ADAM17: variants seen among roughly 807,000 people sequenced by gnomAD.
ADAM17 encodes the protein disintegrin and metalloproteinase domain-containing protein 17.
Under a neutral mutation model 96.7 loss-of-function variants are expected in ADAM17, and 39 were observed. The ratio of observed to expected loss-of-function variants is 0.40; its 90% CI spans 0.31 to 0.53. ADAM17 has a LOEUF of 0.53. Ranked by LOEUF, ADAM17 falls within the 20% of genes least tolerant of loss-of-function variation. The probability of loss-of-function intolerance (pLI) is 0.44; values close to 1 mark genes in which losing one functional copy is unlikely to be tolerated. For synonymous variants in ADAM17, 344 were observed against 359.2 expected (o/e 0.96, Z 0.48); for missense variants, 777 against 1,013.2 (o/e 0.77, Z 3.17).
Position 9,536,708 on chromosome 2 carries a change from T to G in ADAM17, c.351A>C (p.Gly117=), listed in dbSNP as rs773103941. 1 of 1,614,020 alleles carries G rather than the reference T, an allele frequency of 6.2e-7. No individual in the cohort carries two copies. The highest frequency in any genetic ancestry group is 1.1e-5 in the South Asian group (1 of 91,074). The change falls in exon 3 of 19, where the codon GGA becomes GGC. Residue 117 remains glycine (G), a synonymous_variant. Transcript: ENST00000310823. ...AAGCTCCATACTAACCAACCACGTG[T>G]CCAGTGAAGAAGTCCTGCCATTTTA... ...YTVKWQDFFT[G]HVVGEPDSRV...
At chr2:9,508,389 C>T (rs891200279) in intron 11 of ADAM17, among the ~76,000 whole-genome samples, 2 of 152,186 alleles carry the variant, frequency 1.3e-5, no homozygotes, top group Admixed American at 6.5e-5. Flanking sequence ...TCTGCTCCCA[C>T]ACTGCTGTTT....
intron 10 of ADAM17, 63 bp from the exon 11 acceptor site, chr2:9,510,194 T>C (rs1205500170): frequency 1.6e-5 from 25 of 1,574,922 alleles, no homozygotes; most frequent in Admixed American, 1.0e-4. Context: ...CTTCTGCCAG[T>C]TGGGCCTATG....
Position 9,489,590 on chromosome 2 carries a change from TATTAACCCAA to T in ADAM17, c.*577_*586del, listed in dbSNP as rs1661918694. The T allele has an allele frequency of 2.0e-5, 3 of 152,432 alleles. No individual in the cohort carries two copies. The highest frequency in any genetic ancestry group is 7.3e-5 in the African/African-American group (3 of 41,350). The allele number at this position is 152,432 out of a possible 1,614,324, so 9.4% of individuals were successfully genotyped here. ...TTAGTCTTAGAATTATGAAGAGCCA[TATTAACCCAA>T]ATGATTTCTAAATTTAGATATATAT... On this transcript the variant is annotated 3_prime_UTR_variant, in exon 19 of 19. Coordinates refer to ENST00000310823, the MANE Select transcript of ADAM17 (RefSeq NM_003183.6).
At chr2:9,492,124 ACTC>A (rs1405152627) in intron 17 of ADAM17, among the ~76,000 whole-genome samples, 2 of 151,906 alleles carry the variant, frequency 1.3e-5, no homozygotes, top group Non-Finnish European at 2.9e-5. Context: ...AGTAGGAAAA[ACTC>A]CTTTGTCATC....
chr2:9,524,714 G>A (rs1664448822), intron 6 of ADAM17, among the ~76,000 whole-genome samples: 2 of 152,180 alleles, frequency 1.3e-5, no homozygotes, highest in African/African-American at 4.8e-5. Flanking sequence ...CAGCACTGAG[G>A]AATGGGTAAG....
intron 6 of ADAM17, 145 bp downstream of exon 6, chr2:9,525,966 G>A: frequency 1.2e-6 from 1 of 829,150 alleles, no homozygotes; most frequent in Non-Finnish European, 1.8e-6. Flanking sequence ...TTTCCATACA[G>A]TAACATAAAA....
chr2:9,547,726 T>C (rs1445803796), intron 1 of ADAM17, among the ~76,000 whole-genome samples: 1 of 151,996 alleles, frequency 6.6e-6, no homozygotes, highest in African/African-American at 2.4e-5. Flanking sequence ...GATTCTGGGC[T>C]TTGGATAATG....
chr2:9,525,786 G>A (rs1664500687), intron 6 of ADAM17, among the ~76,000 whole-genome samples: 1 of 152,108 alleles, frequency 6.6e-6, no homozygotes, highest in Admixed American at 6.5e-5. Flanking sequence ...ATTCACATGT[G>A]ACACCACAGG....
chr2:9,505,416 T>C, intron 11 of ADAM17, 51 bp from the exon 12 acceptor site: 1 of 1,531,212 alleles, frequency 6.5e-7, no homozygotes, highest in Non-Finnish European at 9.0e-7. Flanking sequence ...TAAAAATGTA[T>C]TCCCATGCAA....
chr2:9,497,346 A>G lies in ADAM17; in HGVS notation c.1649-98T>C, dbSNP rs145331927. 1.4e-4 allele frequency: 205 copies of G among 1,515,132 alleles called. No homozygotes were observed. The African/African-American group carries it at 2.6e-3, about 19-fold the overall frequency. 93.9% of individuals were successfully genotyped at this position (1,515,132 alleles called of 1,614,324 possible). ...TGTTTCTCATACAAGTGAGCATCTTACCTTGCAAAAGCAAAAAGTGACCTA... is the reference window on the plus strand; with the variant it reads ...TGTTTCTCATACAAGTGAGCATCTTGCCTTGCAAAAGCAAAAAGTGACCTA... On this transcript the variant is annotated intron_variant, in intron 13 of 18. Coordinates refer to ENST00000310823, the MANE Select transcript of ADAM17 (RefSeq NM_003183.6).
intron 6 of ADAM17, 21 bp downstream of exon 6, chr2:9,526,090 G>A (rs1013211005): frequency 3.8e-6 from 6 of 1,568,396 alleles, no homozygotes; most frequent in Non-Finnish European, 3.5e-6. Flanking sequence ...TCAATTACTC[G>A]ATGCAATATC....
intron 8 of ADAM17, 109 bp from the exon 9 acceptor site, chr2:9,518,356 T>C: frequency 7.7e-7 from 1 of 1,294,672 alleles, no homozygotes; most frequent in Non-Finnish European, 1.0e-6. Flanking sequence ...AACAGAACTA[T>C]GATGGCATGC....
In ADAM17 at chr2:9,488,549, C is replaced by A. The variant is rs1226612854; in HGVS notation, c.*1628G>T. On this transcript the variant is annotated 3_prime_UTR_variant, in exon 19 of 19. Coordinates refer to ENST00000310823, the MANE Select transcript of ADAM17 (RefSeq NM_003183.6). ...CTACAGCTATAAAATATACCCTGAG[C>A]AGCTTGTTAATTCTATAAATGACAA... 8.0e-6 allele frequency: 3 copies of A among 375,378 alleles called. No individual in the cohort carries two copies. Among genetic ancestry groups the A allele is most frequent in the Non-Finnish European group, 1.4e-5 (3 of 212,496 alleles). 23.3% of individuals were successfully genotyped at this position (375,378 alleles called of 1,614,324 possible).
intron 13 of ADAM17, among the ~76,000 whole-genome samples, chr2:9,498,680 C>T (rs974489259): frequency 6.6e-6 from 1 of 152,220 alleles, no homozygotes. Flanking sequence ...CTTTCATGAG[C>T]ACTGGGCATT....
chr2:9,506,163 T>C (rs1268733492), intron 11 of ADAM17, among the ~76,000 whole-genome samples: 2 of 152,010 alleles, frequency 1.3e-5, no homozygotes, highest in East Asian at 3.9e-4. Context: ...TCCAAAGTGC[T>C]CTGCAGATGC....
At chr2:9,532,585 C>T (rs553527513) in intron 4 of ADAM17, among the ~76,000 whole-genome samples, 1 of 151,832 alleles carries the variant, frequency 6.6e-6, no homozygotes, top group East Asian at 1.9e-4. Flanking sequence ...GATCCTACTG[C>T]TTCAGCATTC....
intron 10 of ADAM17, among the ~76,000 whole-genome samples, chr2:9,511,174 C>T (rs910840381): frequency 3.3e-5 from 5 of 152,122 alleles, no homozygotes; most frequent in East Asian, 3.9e-4. Context: ...TACGGATAGG[C>T]GCAGTGGCTC....
At chr2:9,526,788 C>G (rs1365407118) in intron 5 of ADAM17, among the ~76,000 whole-genome samples, 1 of 151,968 alleles carries the variant, frequency 6.6e-6, no homozygotes, top group Non-Finnish European at 1.5e-5. Flanking sequence ...AAAAGTGAGA[C>G]TTCATCTCTA....
At chr2:9,514,685 A>C (rs1193628208) in intron 10 of ADAM17, among the ~76,000 whole-genome samples, 1 of 150,970 alleles carries the variant, frequency 6.6e-6, no homozygotes, top group African/African-American at 2.4e-5. Context: ...CATCCTGGCT[A>C]ACACAGTGAA....
Sources: allele counts gnomAD v4.1 joint callset (sites outside exome capture counted in the v4.1 genomes callset), GRCh38; gene constraint gnomAD v4.1.1; transcripts MANE v1.5; gene names NCBI Gene and HGNC (gene_info 2026-07-23, HGNC 2026-07-21).